The following DENND3 variants were observed in gnomAD, a reference collection of about 807,000 sequenced individuals.
The protein encoded by DENND3 is DENN domain-containing protein 3.
In DENND3, 88 loss-of-function variants were observed where a neutral mutation model predicts 135.1. The observed-to-expected ratio is 0.65, with a 90% CI of 0.55 to 0.78. DENND3 has a LOEUF of 0.78. DENND3 is among the 30% of genes least tolerant of loss of function. DENND3 has a pLI of 0.00. For missense variants in DENND3, 1,392 were observed against 1,688.4 expected (o/e 0.82, Z 3.08); for synonymous variants, 693 against 712.3 (o/e 0.97, Z 0.43).
Position 141,194,591 on chromosome 8 carries a change from A to G in DENND3, c.*358A>G. On this transcript the variant is annotated 3_prime_UTR_variant, in exon 23 of 23. Transcript: ENST00000519811. Reference sequence around the variant, plus strand: ...CAGCAGCTTGGCCGAGTCACAGGTGACCCGTGGCCCTCACGTCTCTGGTTT... The same window carrying G: ...CAGCAGCTTGGCCGAGTCACAGGTGGCCCGTGGCCCTCACGTCTCTGGTTT... The G allele has an allele frequency of 3.6e-6, 1 of 281,482 alleles. No homozygotes were observed. The highest frequency in any genetic ancestry group is 7.8e-5 in the East Asian group (1 of 12,790). 17.4% of individuals were successfully genotyped at this position (281,482 alleles called of 1,614,324 possible). A position where few individuals can be genotyped will look rare whatever the true frequency, so the allele number is the denominator to read the frequency against.
intron 11 of DENND3, among the ~76,000 whole-genome samples, chr8:141,165,581 C>CA (rs753105382): frequency 7.9e-5 from 12 of 151,994 alleles, no homozygotes; most frequent in Non-Finnish European, 1.8e-4. Flanking sequence ...TCTCCTGCCT[C>CA]AGCCTCCTGA....
At chr8:141,161,102 T>C (rs1400820632) in intron 9 of DENND3, among the ~76,000 whole-genome samples, 1 of 152,162 alleles carries the variant, frequency 6.6e-6, no homozygotes, top group African/African-American at 2.4e-5. Context: ...GGTGACCCCC[T>C]GCAGGTGGCT....
intron 5 of DENND3, among the ~76,000 whole-genome samples, chr8:141,150,110 C>T (rs1329735902): frequency 3.3e-5 from 5 of 152,222 alleles, no homozygotes; most frequent in African/African-American, 1.2e-4. Flanking sequence ...CCGTCCATTA[C>T]GCTCGTTTCC....
chr8:141,189,026 G>A lies in DENND3; in HGVS notation c.3125G>A (p.Gly1042Asp). 1.2e-6 allele frequency: 2 copies of A among 1,614,128 alleles called. No individual in the cohort carries two copies. Among genetic ancestry groups the A allele is most frequent in the Non-Finnish European group, 1.7e-6 (2 of 1,179,990 alleles). ...GCCGACCAGAACCAGGTGTGGGTTG[G>A]CTCGGAAGACTCCGTCATCTACATC... Reference protein sequence around the residue: ...VMADQNQVWVGSEDSVIYIIN... With the variant: ...VMADQNQVWVDSEDSVIYIIN... The change falls in exon 19 of 23, where the codon GGC (glycine) becomes GAC (aspartate). Residue 1042 changes from glycine to aspartate, a missense_variant. Physicochemically the swap from Gly to Asp is moderately conservative, Grantham distance 94. Coordinates refer to ENST00000519811, the MANE Select transcript of DENND3 (RefSeq NM_001352890.3).
Position 141,166,742 on chromosome 8 carries a change from C to T in DENND3, c.1753+353C>T, listed in dbSNP as rs1026674128. Reference sequence around the variant, plus strand: ...GATAGGAGGCAGGGAGCGCACCAGGCACTTTCTAGAGCCGGAGCTGTGAAG... The same window carrying T: ...GATAGGAGGCAGGGAGCGCACCAGGTACTTTCTAGAGCCGGAGCTGTGAAG... On this transcript the variant is annotated intron_variant, in intron 12 of 22. Transcript: ENST00000519811. The surrounding 1 kb of genome is among the most constrained non-coding windows in gnomAD (Gnocchi z 4.3). Among the ~76,000 whole-genome samples the T allele has an allele frequency of 6.6e-6, 1 of 152,198 alleles. No individual in the cohort carries two copies. Among genetic ancestry groups the T allele is most frequent in the Non-Finnish European group, 1.5e-5 (1 of 68,038 alleles).
Position 141,165,189 on chromosome 8 carries a change from T to C in DENND3, c.1453T>C (p.Leu485=). ...PGDHQFYKQV[L]DTYMFHSFLK... ...CCAGCCCCTCTCTCTTTTCCAGGTCTTAGACACCTACATGTTCCATTCTTT... is the reference window on the plus strand; with the variant it reads ...CCAGCCCCTCTCTCTTTTCCAGGTCCTAGACACCTACATGTTCCATTCTTT... Residue 485 remains leucine, a synonymous_variant, in exon 11 of 23, where the codon TTA becomes CTA. Transcript: ENST00000519811. 6.2e-7 allele frequency: 1 copy of C among 1,613,868 alleles called. No individual in the cohort carries two copies. Among genetic ancestry groups the C allele is most frequent in the Non-Finnish European group, 8.5e-7 (1 of 1,179,742 alleles).
rs1014033365 is a variant in DENND3, at chr8:141,137,861, G to A, written c.386-161G>A. Among the ~76,000 whole-genome samples, 2 of 152,200 alleles carry A rather than the reference G, an allele frequency of 1.3e-5. No individual in the cohort carries two copies. Among genetic ancestry groups the A allele is most frequent in the African/African-American group, 4.8e-5 (2 of 41,450 alleles). On this transcript the variant is annotated intron_variant, in intron 2 of 22. Transcript: ENST00000519811. The surrounding 1 kb of genome is among the most constrained non-coding windows in gnomAD (Gnocchi z 4.1). ...GGGGAGGGACTCAGGGAGGATAGAC[G>A]GCCGGAGGCGTGATCGGAAGAATGA...
At chr8:141,186,968 G>A (rs1171222816) in intron 18 of DENND3, among the ~76,000 whole-genome samples, 1 of 152,096 alleles carries the variant, frequency 6.6e-6, no homozygotes, top group Admixed American at 6.5e-5. Context: ...ACACTCCCCC[G>A]CACCGTGGCC....
chr8:141,171,555 G>A (rs1412883153), intron 13 of DENND3, among the ~76,000 whole-genome samples: 3 of 152,252 alleles, frequency 2.0e-5, no homozygotes, highest in African/African-American at 7.2e-5. Flanking sequence ...TTAACGGCTG[G>A]TGTTTGTGTG....
chr8:141,163,614 T>C (rs558699479), intron 10 of DENND3, among the ~76,000 whole-genome samples, 185 bp downstream of exon 10: 1 of 152,256 alleles, frequency 6.6e-6, no homozygotes, highest in South Asian at 2.1e-4. Flanking sequence ...TTTAAGAGTA[T>C]AATTTACTTG....
chr8:141,163,907 CAA>C (rs1157176340), intron 10 of DENND3, among the ~76,000 whole-genome samples: 58 of 55,930 alleles, frequency 1.0e-3, no homozygotes, highest in Middle Eastern at 0.016. Context: ...GACTCCGTCT[CAA>C]AAAAAAAAAA....
rs952104371 is a variant in DENND3 at position 141,171,926 on chromosome 8, ATGG to A, written c.2276-3265_2276-3263del. Among the ~76,000 whole-genome samples the A allele has an allele frequency of 1.8e-4, 27 of 148,928 alleles. No homozygotes were observed. The East Asian group carries it at 4.0e-3, about 22-fold the overall frequency. ...GTGTGCACAGTGGCCGAGGGTGTGCATGGTGGTGGTGTGCAGTGTCTGGGTGTG... is the reference window on the plus strand; with the variant it reads ...GTGTGCACAGTGGCCGAGGGTGTGCATGGTGGTGTGCAGTGTCTGGGTGTG... On this transcript the variant is annotated intron_variant, in intron 13 of 22. Coordinates refer to ENST00000519811, the MANE Select transcript of DENND3 (RefSeq NM_001352890.3).
chr8:141,186,857 G>A (rs867774058), intron 18 of DENND3, among the ~76,000 whole-genome samples: 1 of 152,102 alleles, frequency 6.6e-6, no homozygotes, highest in Non-Finnish European at 1.5e-5. Flanking sequence ...GATTTTCCCT[G>A]TTTGCCCGTC....
chr8:141,136,839 C>T, intron 2 of DENND3, 48 bp downstream of exon 2: 1 of 1,486,758 alleles, frequency 6.7e-7, no homozygotes, highest in Non-Finnish European at 8.9e-7. Context: ...CTGCCGGCCA[C>T]CCAGAGTGGT....
In DENND3 at chr8:141,154,829, T is replaced by C. The variant is rs1365239007; in HGVS notation, c.1075-1020T>C. The stretch of plus-strand genomic sequence containing the variant: ...CCACCCACCTCGGCCTCCCAAAGTG[T>C]TGGGATTACAGGCATGAGCCACTGC... On this transcript the variant is annotated intron_variant, in intron 7 of 22. Transcript: ENST00000519811. This position sits in a 1 kb window ranked among gnomAD's most constrained non-coding sequence, Gnocchi z 4.4. Among the ~76,000 whole-genome samples, 1 of 152,144 alleles carries C rather than the reference T, an allele frequency of 6.6e-6. No individual in the cohort carries two copies. The highest frequency in any genetic ancestry group is 2.4e-5 in the African/African-American group (1 of 41,426).
intron 5 of DENND3, among the ~76,000 whole-genome samples, chr8:141,145,829 ATATATATATATATATATATATG>A (rs1388036663): frequency 1.1e-4 from 4 of 36,428 alleles, no homozygotes; most frequent in African/African-American, 6.0e-4. Flanking sequence ...ATATATATAT[ATATATATATATATATATATATG>A]TATTTTTTTT....
In DENND3 at chr8:141,168,716, A is replaced by T. The variant is rs942957872; in HGVS notation, c.2275+191A>T. On this transcript the variant is annotated intron_variant, in intron 13 of 22. Transcript: ENST00000519811. This position sits in a 1 kb window ranked among gnomAD's most constrained non-coding sequence, Gnocchi z 6.2. ...CAGGTACGCGACACCGTGCCCGGCT[A>T]ATTTTAGTATTTTTTGTAGAGACAG... Among the ~76,000 whole-genome samples the T allele has an allele frequency of 6.6e-6, 1 of 152,002 alleles. No individual in the cohort carries two copies. Among genetic ancestry groups the T allele is most frequent in the East Asian group, 1.9e-4 (1 of 5,156 alleles).
intron 19 of DENND3, among the ~76,000 whole-genome samples, chr8:141,189,413 A>G (rs1423032555): frequency 6.6e-6 from 1 of 152,230 alleles, no homozygotes; most frequent in African/African-American, 2.4e-5. Context: ...GCACTGTGGC[A>G]TGGGGCAGCC....
chr8:141,144,386 A>AC lies in DENND3; in HGVS notation c.735+134dup, dbSNP rs898035291. On this transcript the variant is annotated intron_variant, in intron 5 of 22. Coordinates refer to ENST00000519811, the MANE Select transcript of DENND3 (RefSeq NM_001352890.3). This position sits in a 1 kb window ranked among gnomAD's most constrained non-coding sequence, Gnocchi z 4.4. ...GTTGTAAACCTAAAATAACATCCTA[A>AC]CCCCCCCGCCTCCCCACAGCTGACT... 2.8e-5 allele frequency: 25 copies of AC among 890,826 alleles called. No individual in the cohort carries two copies. Among genetic ancestry groups the AC allele is most frequent in the African/African-American group, 7.1e-5 (4 of 55,982 alleles). 55.2% of individuals were successfully genotyped at this position (890,826 alleles called of 1,614,324 possible). A position where few individuals can be genotyped will look rare whatever the true frequency, so the allele number is the denominator to read the frequency against.
Sources: allele counts gnomAD v4.1 joint callset (sites outside exome capture counted in the v4.1 genomes callset), GRCh38; gene constraint gnomAD v4.1.1; non-coding constraint Gnocchi (gnomAD v3.1); transcripts MANE v1.5; gene names NCBI Gene and HGNC (gene_info 2026-07-23, HGNC 2026-07-21).